HIVEP3: variants seen among roughly 807,000 people sequenced by gnomAD.
The protein encoded by HIVEP3 is HIVEP zinc finger 3, also known as transcription factor HIVEP3.
In HIVEP3, 49 loss-of-function variants were observed where a neutral mutation model predicts 152.8. That is an observed-to-expected ratio of 0.32 (90% confidence interval 0.26 to 0.41). The LOEUF (loss-of-function observed/expected upper bound fraction) is 0.41, where lower values mean the gene tolerates loss of function less well. Among genes scored for constraint, HIVEP3 ranks in the 10% least tolerant of loss-of-function variants. HIVEP3 has a pLI of 1.00. For synonymous variants in HIVEP3, 1,269 were observed against 1,289.0 expected, an observed-to-expected ratio of 0.98 and a Z score of 0.33; for missense variants, 2,790 against 3,103.3, an observed-to-expected ratio of 0.90 and a Z score of 2.40.
At chr1:41,844,055 C>T (rs1165285705) in intron 1 of HIVEP3, among the ~76,000 whole-genome samples, 1 of 152,206 alleles carries the variant, frequency 6.6e-6, no homozygotes, top group Non-Finnish European at 1.5e-5. Flanking sequence ...CACACTCCCT[C>T]CTCTCATTGC....
intron 1 of HIVEP3, among the ~76,000 whole-genome samples, chr1:41,807,560 G>A (rs1304472189): frequency 2.6e-5 from 4 of 152,162 alleles, no homozygotes; most frequent in African/African-American, 9.7e-5. Context: ...AGCAGTGACA[G>A]GGCAGAAATG....
At chr1:41,562,875 T>C (rs1207197754) in intron 5 of HIVEP3, among the ~76,000 whole-genome samples, 1 of 151,860 alleles carries the variant, frequency 6.6e-6, no homozygotes, top group African/African-American at 2.4e-5. Flanking sequence ...GGACGATTGG[T>C]GGAAAGTCTT....
chr1:41,518,582 T>C (rs556675036), intron 6 of HIVEP3, 94 bp from the exon 7 acceptor site: 1 of 1,215,168 alleles, frequency 8.2e-7, no homozygotes, highest in African/African-American at 1.5e-5. Context: ...CGGCAGGCCA[T>C]GGTTTCTCAG....
At chr1:41,519,178 A>T (rs1642691058) in intron 6 of HIVEP3, among the ~76,000 whole-genome samples, 1 of 152,206 alleles carries the variant, frequency 6.6e-6, no homozygotes, top group Non-Finnish European at 1.5e-5. Flanking sequence ...CCCCAGGCCA[A>T]TCTACAGTGC....
At chr1:41,985,157 G>A (rs1459302609) in intron 1 of HIVEP3, among the ~76,000 whole-genome samples, 4 of 152,108 alleles carry the variant, frequency 2.6e-5, no homozygotes, top group Admixed American at 6.6e-5. Context: ...TCCAGGTTAC[G>A]GGCACGTGAA....
chr1:41,634,802 G>A (rs879760332), intron 2 of HIVEP3, among the ~76,000 whole-genome samples: 1 of 152,000 alleles, frequency 6.6e-6, no homozygotes, highest in Non-Finnish European at 1.5e-5. Flanking sequence ...CAAAAATCAC[G>A]AACTTTTACT....
intron 5 of HIVEP3, among the ~76,000 whole-genome samples, chr1:41,544,850 C>T (rs1558046304): frequency 7.2e-5 from 3 of 41,496 alleles, no homozygotes; most frequent in Non-Finnish European, 1.3e-4. Flanking sequence ...CCACTACCAC[C>T]ACCACCACCA....
intron 1 of HIVEP3, among the ~76,000 whole-genome samples, chr1:41,819,109 T>G (rs1642507706): frequency 2.0e-5 from 3 of 152,204 alleles, no homozygotes; most frequent in Admixed American, 2.0e-4. Flanking sequence ...TTCAGGCAGT[T>G]TGAATTCAGA....
At chr1:41,935,701 C>A (rs1400885869) in intron 1 of HIVEP3, among the ~76,000 whole-genome samples, 1 of 148,420 alleles carries the variant, frequency 6.7e-6, no homozygotes, top group Non-Finnish European at 1.5e-5. Context: ...TATTATCTAG[C>A]AATTTAGTCT....
chr1:41,637,993 A>C (rs1324835334), intron 2 of HIVEP3, among the ~76,000 whole-genome samples: 1 of 152,216 alleles, frequency 6.6e-6, no homozygotes, highest in Admixed American at 6.5e-5. Flanking sequence ...TATAAGTGGA[A>C]TCTAAATAAT....
chr1:41,660,065 T>C (rs1211534039), intron 2 of HIVEP3, among the ~76,000 whole-genome samples: 1 of 152,112 alleles, frequency 6.6e-6, no homozygotes, highest in African/African-American at 2.4e-5. Context: ...GGGTTGTGTG[T>C]GCGAATGAGT....
At chr1:41,578,770 C>T (rs1644359581) in intron 4 of HIVEP3, among the ~76,000 whole-genome samples, 1 of 152,200 alleles carries the variant, frequency 6.6e-6, no homozygotes, top group South Asian at 2.1e-4. Context: ...TGACCTTTCT[C>T]AGACTCTGAC....
chr1:41,929,659 T>C (rs1644985652), intron 1 of HIVEP3, among the ~76,000 whole-genome samples: 1 of 150,886 alleles, frequency 6.6e-6, no homozygotes, highest in South Asian at 2.1e-4. Flanking sequence ...TGTATATTTA[T>C]CCATGAATAC....
intron 1 of HIVEP3, among the ~76,000 whole-genome samples, chr1:41,809,943 T>C (rs1650853298): frequency 6.6e-6 from 1 of 152,182 alleles, no homozygotes; most frequent in Non-Finnish European, 1.5e-5. Flanking sequence ...GAGAGAAATA[T>C]CCAAACGACA....
chr1:41,559,201 C>T (rs113206712), intron 5 of HIVEP3, among the ~76,000 whole-genome samples: 1 of 152,190 alleles, frequency 6.6e-6, no homozygotes, highest in African/African-American at 2.4e-5. Flanking sequence ...CAGAAGTCTG[C>T]CTGGCTGGCT....
intron 1 of HIVEP3, among the ~76,000 whole-genome samples, chr1:41,882,031 A>G (rs1644269637): frequency 6.6e-6 from 1 of 152,234 alleles, no homozygotes; most frequent in Non-Finnish European, 1.5e-5. Context: ...AGGGGCAGTC[A>G]GTATATTTTT....
chr1:41,895,921 C>G (rs1250243404), intron 1 of HIVEP3, among the ~76,000 whole-genome samples: 1 of 152,192 alleles, frequency 6.6e-6, no homozygotes, highest in Non-Finnish European at 1.5e-5. Flanking sequence ...TCATTGGTAC[C>G]CTCAGTTATT....
At position 41,612,156 on chromosome 1, in the gene HIVEP3, C is replaced by G. The variant is rs558477676; in HGVS notation, c.-522+16593G>C. Among the ~76,000 whole-genome samples, 3 of 152,260 alleles carry G rather than the reference C, an allele frequency of 2.0e-5. No individual in the cohort carries two copies. The South Asian group carries it at 6.2e-4, about 32-fold the overall frequency. Reference sequence around the variant, plus strand: ...CTCCTGCCAGGGTTCAAGCCCCTCCCTTGGCCTGCTGCCCGGTCCCCCATC... The same window carrying G: ...CTCCTGCCAGGGTTCAAGCCCCTCCGTTGGCCTGCTGCCCGGTCCCCCATC... On this transcript the variant is annotated intron_variant, in intron 3 of 8. Coordinates refer to ENST00000372583, the MANE Select transcript of HIVEP3 (RefSeq NM_024503.5).
At chr1:41,636,367 G>A (rs1645273522) in intron 2 of HIVEP3, among the ~76,000 whole-genome samples, 1 of 152,116 alleles carries the variant, frequency 6.6e-6, no homozygotes, top group African/African-American at 2.4e-5. Flanking sequence ...GAAAATACCA[G>A]AACTATTAAA....
Sources: allele counts gnomAD v4.1 joint callset (sites outside exome capture counted in the v4.1 genomes callset), GRCh38; gene constraint gnomAD v4.1.1; transcripts MANE v1.5; gene names NCBI Gene and HGNC (gene_info 2026-07-23, HGNC 2026-07-21).